MDGA2: variants seen among roughly 807,000 people sequenced by gnomAD.
The protein encoded by MDGA2 is MAM domain containing glycosylphosphatidylinositol anchor 2, also known as MAM domain-containing glycosylphosphatidylinositol anchor protein 2.
MDGA2 carries 40 observed loss-of-function variants against 117.8 expected under a neutral mutation model. The ratio of observed to expected loss-of-function variants is 0.34; its 90% CI spans 0.26 to 0.44. The LOEUF is 0.44. Among genes scored for constraint, MDGA2 ranks in the 20% least tolerant of loss-of-function variants. The pLI is 1.00. For missense variants in MDGA2, 1,123 were observed against 1,250.6 expected (o/e 0.90, Z 1.54); for synonymous variants, 452 against 439.0 (o/e 1.03, Z -0.37).
chr14:47,190,318 C>T (rs1885062798), intron 3 of MDGA2, among the ~76,000 whole-genome samples: 1 of 152,152 alleles, frequency 6.6e-6, no homozygotes. Flanking sequence ...GGACAGCAAG[C>T]CAGATTAAAA....
chr14:47,505,134 A>G lies in MDGA2; in HGVS notation c.280+169383T>C, dbSNP rs1894484259. ...GCAAATACCACATAATCTCACTCATATGTGGAATCTTTAAAAAAGAAAAAG... is the reference window on the plus strand; with the variant it reads ...GCAAATACCACATAATCTCACTCATGTGTGGAATCTTTAAAAAAGAAAAAG... On this transcript the variant is annotated intron_variant, in intron 1 of 16. Coordinates refer to ENST00000399232, the MANE Select transcript of MDGA2 (RefSeq NM_001113498.3). Among the ~76,000 whole-genome samples the G allele has an allele frequency of 2.6e-5, 4 of 152,186 alleles. No individual in the cohort carries two copies. The South Asian group carries it at 8.3e-4, about 31-fold the overall frequency.
At chr14:47,178,211 A>G (rs1267038781) in intron 3 of MDGA2, among the ~76,000 whole-genome samples, 1 of 152,202 alleles carries the variant, frequency 6.6e-6, no homozygotes, top group African/African-American at 2.4e-5. Context: ...AGTAACTGAC[A>G]TGGCACTGTC....
chr14:46,875,128 G>A (rs1809848083), intron 12 of MDGA2, among the ~76,000 whole-genome samples: 1 of 151,636 alleles, frequency 6.6e-6, no homozygotes, highest in South Asian at 2.1e-4. Flanking sequence ...CTTTGGCAAA[G>A]GTCAGCTATT....
chr14:47,157,595 A>ATATGTGTGTGTG (rs1281939078), intron 3 of MDGA2, among the ~76,000 whole-genome samples: 1 of 144,436 alleles, frequency 6.9e-6, no homozygotes, highest in African/African-American at 2.6e-5. Flanking sequence ...ATGTACATAT[A>ATATGTGTGTGTG]TGTGTGTGTG....
At chr14:47,168,529 C>T (rs1351544410) in intron 3 of MDGA2, among the ~76,000 whole-genome samples, 15 of 151,962 alleles carry the variant, frequency 9.9e-5, no homozygotes, top group Admixed American at 9.8e-4. Flanking sequence ...CCCTAACTAC[C>T]TGTCTCTCAT....
intron 2 of MDGA2, among the ~76,000 whole-genome samples, chr14:47,247,306 AT>A (rs11312463): frequency 0.51 from 71,756 of 140,250 alleles, 18,503 homozygotes; most frequent in East Asian, 0.65. Flanking sequence ...ATAGTTTCAT[AT>A]TTTTTTTTTT....
intron 3 of MDGA2, among the ~76,000 whole-genome samples, chr14:47,176,614 C>G (rs1267711822): frequency 6.6e-6 from 1 of 152,204 alleles, no homozygotes; most frequent in African/African-American, 2.4e-5. Context: ...AAAGCTGAAA[C>G]TGGATCCCTT....
rs1479969159 is a variant in MDGA2 at position 46,911,327 on chromosome 14, C to CAG, written c.2238+8683_2238+8684dup. ...TTCTTGAACATTTTAAAACAGAAAACAGAAGCTGGGAAAACATAGTCCATT... is the reference window on the plus strand; with the variant it reads ...TTCTTGAACATTTTAAAACAGAAAACAGAGAAGCTGGGAAAACATAGTCCATT... On this transcript the variant is annotated intron_variant, in intron 10 of 16. Coordinates refer to ENST00000399232, the MANE Select transcript of MDGA2 (RefSeq NM_001113498.3). Among the ~76,000 whole-genome samples, 11 of 152,196 alleles carry CAG rather than the reference C, an allele frequency of 7.2e-5. No individual in the cohort carries two copies. In the South Asian group the frequency reaches 2.3e-3, roughly 32 times the overall value.
intron 8 of MDGA2, among the ~76,000 whole-genome samples, chr14:46,958,700 A>G (rs1394480483): frequency 6.6e-6 from 1 of 152,236 alleles, no homozygotes; most frequent in African/African-American, 2.4e-5. Context: ...CATTTCATGC[A>G]CCTGTCAATT....
chr14:47,184,542 C>G (rs1439056159), intron 3 of MDGA2, among the ~76,000 whole-genome samples: 1 of 151,802 alleles, frequency 6.6e-6, no homozygotes, highest in African/African-American at 2.4e-5. Flanking sequence ...TATTTCATCA[C>G]CTATAAGACT....
At chr14:47,600,682 C>A (rs945916794) in intron 1 of MDGA2, among the ~76,000 whole-genome samples, 1 of 150,708 alleles carries the variant, frequency 6.6e-6, no homozygotes, top group East Asian at 1.9e-4. Context: ...CATCCTTGTC[C>A]TGGTAAACTA....
chr14:47,165,797 A>G (rs944020152), intron 3 of MDGA2, among the ~76,000 whole-genome samples: 3 of 152,246 alleles, frequency 2.0e-5, no homozygotes, highest in African/African-American at 4.8e-5. Context: ...TAATGGAACT[A>G]TAAGTCCTCA....
intron 1 of MDGA2, among the ~76,000 whole-genome samples, chr14:47,396,517 A>G (rs1254980852): frequency 6.6e-6 from 1 of 152,220 alleles, no homozygotes; most frequent in African/African-American, 2.4e-5. Context: ...GAGCTTCTGC[A>G]CAACAAAAGA....
intron 1 of MDGA2, among the ~76,000 whole-genome samples, chr14:47,645,947 G>GCAGGCTCCTGTAGTCC (rs1897523559): frequency 2.0e-5 from 3 of 151,774 alleles, no homozygotes. Flanking sequence ...GGGCGTGGTG[G>GCAGGCTCCTGTAGTCC]CAGGCTCCTG....
chr14:47,036,989 A>G (rs1350891164), intron 7 of MDGA2, among the ~76,000 whole-genome samples: 1 of 152,258 alleles, frequency 6.6e-6, no homozygotes, highest in Admixed American at 6.5e-5. Flanking sequence ...AGAAATTGAC[A>G]TTAACAAAAT....
chr14:47,221,833 A>T (rs913259986), intron 2 of MDGA2, among the ~76,000 whole-genome samples: 4 of 151,934 alleles, frequency 2.6e-5, no homozygotes, highest in Admixed American at 6.5e-5. Flanking sequence ...TTTAATTGGC[A>T]AATATATATA....
At chr14:47,399,775 C>T (rs780313783) in intron 1 of MDGA2, among the ~76,000 whole-genome samples, 13 of 151,830 alleles carry the variant, frequency 8.6e-5, no homozygotes, top group Admixed American at 2.6e-4. Flanking sequence ...TAAAAAAATG[C>T]TGTATAACAA....
At position 47,611,680 on chromosome 14, in the gene MDGA2, G is replaced by C. The variant is rs185217897; in HGVS notation, c.280+62837C>G. Reference sequence around the variant, plus strand: ...ATATCACTTTACTCCTGCCAAAATGGCCATAATCAAAAAATAAAAAAACAG... The same window carrying C: ...ATATCACTTTACTCCTGCCAAAATGCCCATAATCAAAAAATAAAAAAACAG... On this transcript the variant is annotated intron_variant, in intron 1 of 16. Coordinates refer to ENST00000399232, the MANE Select transcript of MDGA2 (RefSeq NM_001113498.3). 3.0e-4 allele frequency among the ~76,000 whole-genome samples: 45 copies of C among 152,132 alleles called. No individual in the cohort carries two copies. The East Asian group carries it at 8.3e-3, about 28-fold the overall frequency.
intron 1 of MDGA2, among the ~76,000 whole-genome samples, chr14:47,347,691 G>T (rs939854891): frequency 1.4e-4 from 21 of 152,092 alleles, no homozygotes; most frequent in African/African-American, 5.1e-4. Context: ...ATAAAGATTT[G>T]GGAATCATCA....
Sources: gnomAD v4.1 joint callset for allele counts (sites outside exome capture counted in the v4.1 genomes callset) on GRCh38, gnomAD v4.1.1 for gene constraint, MANE v1.5 for transcripts, NCBI Gene and HGNC (gene_info 2026-07-23, HGNC 2026-07-21) for gene names.